The following ROR2 variants were observed in gnomAD, a reference collection of about 807,000 sequenced individuals.
ROR2 encodes ROR family WNT receptor 2.
In ROR2, 33 loss-of-function variants were observed where a neutral mutation model predicts 74.9. The observed-to-expected ratio is 0.44, with a 90% CI of 0.33 to 0.59. The LOEUF is 0.59. Among genes scored for constraint, ROR2 ranks in the 20% least tolerant of loss-of-function variants. The pLI is 0.02. For synonymous variants in ROR2, 586 were observed against 558.7 expected, an observed-to-expected ratio of 1.05 and a Z score of -0.69; for missense variants, 1,216 against 1,313.8, an observed-to-expected ratio of 0.93 and a Z score of 1.15.
At position 91,808,860 on chromosome 9, in the gene ROR2, G is replaced by A. The variant is rs538400862; in HGVS notation, c.98-33042C>T. On this transcript the variant is annotated intron_variant, in intron 1 of 8. Coordinates refer to ENST00000375708, the MANE Select transcript of ROR2 (RefSeq NM_004560.4). ...ATACTAAAAATATAAAAAATTAGCC[G>A]GGCGTGGTGGCACGTGCCTGTAGTC... 8.0e-4 allele frequency among the ~76,000 whole-genome samples: 120 copies of A among 150,606 alleles called. 1 individual carries two copies. The highest frequency in any genetic ancestry group is 2.8e-3 in the African/African-American group (114 of 41,084).
chr9:91,907,844 G>A (rs1830859091), intron 1 of ROR2, among the ~76,000 whole-genome samples: 1 of 152,178 alleles, frequency 6.6e-6, no homozygotes, highest in Non-Finnish European at 1.5e-5. Flanking sequence ...TTACCCAGCT[G>A]CAGCGTGGAT....
At chr9:91,874,772 C>A (rs1224626840) in intron 1 of ROR2, among the ~76,000 whole-genome samples, 1 of 152,078 alleles carries the variant, frequency 6.6e-6, no homozygotes, top group Non-Finnish European at 1.5e-5. Flanking sequence ...CCTGTCTCCA[C>A]TAAAAATACA....
chr9:91,880,300 A>T (rs1830072791), intron 1 of ROR2, among the ~76,000 whole-genome samples: 1 of 152,216 alleles, frequency 6.6e-6, no homozygotes, highest in Admixed American at 6.5e-5. Context: ...TCTGGCCTCC[A>T]GAACTAGGAT....
intron 1 of ROR2, among the ~76,000 whole-genome samples, chr9:91,921,449 C>A (rs1831259606): frequency 1.3e-5 from 2 of 152,248 alleles, no homozygotes; most frequent in African/African-American, 4.8e-5. Context: ...TCCCAAACCA[C>A]ACTGGCAAAA....
chr9:91,864,213 T>C (rs1012769482), intron 1 of ROR2, among the ~76,000 whole-genome samples: 2 of 152,334 alleles, frequency 1.3e-5, no homozygotes, highest in African/African-American at 4.8e-5. Flanking sequence ...CCAGGATTCC[T>C]GTTAGATTAT....
rs977205985 is a variant in ROR2, at chr9:91,733,163, T to A, written c.896A>T (p.Asn299Ile). 6 of 1,606,264 alleles carry A rather than the reference T, an allele frequency of 3.7e-6. No homozygotes were observed. The highest frequency in any genetic ancestry group is 4.2e-6 in the Non-Finnish European group (5 of 1,177,646). Residue 299 changes from asparagine (N) to isoleucine (I), a missense_variant, in exon 6 of 9, where the codon AAC (asparagine) becomes ATC (isoleucine). By Grantham distance (149) the Asn-to-Ile change is moderately radical (BLOSUM62 -3). Coordinates refer to ENST00000375708, the MANE Select transcript of ROR2 (RefSeq NM_004560.4). The surrounding 1 kb of genome is among the most constrained non-coding windows in gnomAD (Gnocchi z 5.7). ...GGCTGGGATGCCAATGCGCATGCAG[T>A]TGGCAGCGTCGGGGCTCTCAGGCAT... ...LPMPESPDAA[N>I]CMRIGIPAER...
intron 7 of ROR2, among the ~76,000 whole-genome samples, chr9:91,730,107 C>A (rs1366866470): frequency 1.3e-5 from 2 of 152,068 alleles, no homozygotes; most frequent in South Asian, 2.1e-4. Flanking sequence ...CACGCCTGGA[C>A]AATTTTTGTA....
chr9:91,863,662 C>T (rs2119310007), intron 1 of ROR2, among the ~76,000 whole-genome samples: 1 of 152,262 alleles, frequency 6.6e-6, no homozygotes, highest in South Asian at 2.1e-4. Flanking sequence ...CAACAGACCA[C>T]ATATTGCACG....
chr9:91,874,960 G>A (rs2119344611), intron 1 of ROR2, among the ~76,000 whole-genome samples: 1 of 151,390 alleles, frequency 6.6e-6, no homozygotes, highest in East Asian at 1.9e-4. Flanking sequence ...AAAGACAACT[G>A]AGAACTCCTC....
At chr9:91,791,329 A>G (rs1281794842) in intron 1 of ROR2, among the ~76,000 whole-genome samples, 1 of 152,374 alleles carries the variant, frequency 6.6e-6, no homozygotes, top group Admixed American at 6.5e-5. Flanking sequence ...TTGAAGCAAT[A>G]AGCTCTACCA....
chr9:91,837,925 G>A (rs17587223), intron 1 of ROR2, among the ~76,000 whole-genome samples: 22,869 of 152,050 alleles, frequency 0.15, 2,239 homozygotes, highest in Non-Finnish European at 0.22. Context: ...AAAAATCACC[G>A]AACCATACTT....
chr9:91,927,193 A>G (rs953377896), intron 1 of ROR2, among the ~76,000 whole-genome samples: 1 of 152,220 alleles, frequency 6.6e-6, no homozygotes, highest in Non-Finnish European at 1.5e-5. Flanking sequence ...TGCGTCCTGG[A>G]CACAGCTGGG....
chr9:91,921,514 T>C (rs1831262196), intron 1 of ROR2, among the ~76,000 whole-genome samples: 3 of 152,226 alleles, frequency 2.0e-5, no homozygotes. Context: ...CAGGCCTCTT[T>C]GTGTCACCAA....
intron 1 of ROR2, among the ~76,000 whole-genome samples, chr9:91,909,842 GTTTTGTTTT>G (rs1830915301): frequency 3.6e-5 from 2 of 55,978 alleles, no homozygotes; most frequent in Non-Finnish European, 6.3e-5. Flanking sequence ...TTTTAGGTTT[GTTTTGTTTT>G]TTTTTTTTTT....
At chr9:91,892,850 A>G (rs534805691) in intron 1 of ROR2, among the ~76,000 whole-genome samples, 13 of 152,124 alleles carry the variant, frequency 8.5e-5, no homozygotes, top group African/African-American at 2.4e-4. Context: ...TCAGCCTCCC[A>G]AAGTGCTGGG....
chr9:91,810,332 C>T (rs10992120), intron 1 of ROR2, among the ~76,000 whole-genome samples: 11,729 of 152,156 alleles, frequency 0.077, 851 homozygotes, highest in African/African-American at 0.18. Flanking sequence ...AGAGAGTTCA[C>T]GTGGCAAACA....
chr9:91,886,385 C>T (rs1428704226), intron 1 of ROR2, among the ~76,000 whole-genome samples: 2 of 152,146 alleles, frequency 1.3e-5, no homozygotes, highest in Non-Finnish European at 2.9e-5. Context: ...CAGCGTGGGC[C>T]GGTAGACGTC....
At chr9:91,888,253 G>A (rs528299245) in intron 1 of ROR2, among the ~76,000 whole-genome samples, 3 of 152,144 alleles carry the variant, frequency 2.0e-5, no homozygotes, top group African/African-American at 7.2e-5. Flanking sequence ...TCTCCTCCTA[G>A]TGAACTGCCT....
intron 4 of ROR2, among the ~76,000 whole-genome samples, chr9:91,748,825 G>A (rs902704414): frequency 1.3e-5 from 2 of 152,250 alleles, no homozygotes; most frequent in Middle Eastern, 3.4e-3. Context: ...CTGAGGTCAG[G>A]AGACCAGCCT....
Sources: allele counts gnomAD v4.1 joint callset (sites outside exome capture counted in the v4.1 genomes callset), GRCh38; gene constraint gnomAD v4.1.1; non-coding constraint Gnocchi (gnomAD v3.1); transcripts MANE v1.5; gene names NCBI Gene and HGNC (gene_info 2026-07-23, HGNC 2026-07-21).